The following PCDHGA3 variants were observed in gnomAD, a reference collection of about 807,000 sequenced individuals.
PCDHGA3 encodes the protein protocadherin gamma subfamily A, 3.
Under a neutral mutation model 58.5 loss-of-function variants are expected in PCDHGA3, and 40 were observed. That is an observed-to-expected ratio of 0.68 (90% CI 0.53 to 0.89). The LOEUF (loss-of-function observed/expected upper bound fraction) is 0.89, where lower values mean the gene tolerates loss of function less well. PCDHGA3 is among the 40% of genes least tolerant of loss of function. The pLI is 0.00. For synonymous variants in PCDHGA3, 530 were observed against 525.7 expected, an observed-to-expected ratio of 1.01 and a Z score of -0.11; for missense variants, 1,223 against 1,195.9, an observed-to-expected ratio of 1.02 and a Z score of -0.33.
intron 1 of PCDHGA3, chr5:141,433,063 G>T (rs1411651811): frequency 3.1e-6 from 5 of 1,614,176 alleles, no homozygotes; most frequent in Non-Finnish European, 4.2e-6. Flanking sequence ...AGAGTCACCT[G>T]ATCTTCCCCC....
chr5:141,414,752 ATG>A, intron 1 of PCDHGA3: 2 of 1,614,228 alleles, frequency 1.2e-6, no homozygotes, highest in Non-Finnish European at 1.7e-6. Context: ...TCCTTCGACT[ATG>A]AGCAGTTTCA....
At chr5:141,361,308 G>A (rs1442335405) in intron 1 of PCDHGA3, 3 of 1,613,964 alleles carry the variant, frequency 1.9e-6, no homozygotes, top group East Asian at 2.2e-5. Flanking sequence ...GAAATGCCAA[G>A]TTTATTTTGA....
chr5:141,405,457 TTA>T, intron 1 of PCDHGA3: 1 of 1,256,670 alleles, frequency 8.0e-7, no homozygotes, highest in Non-Finnish European at 1.1e-6. Context: ...TCTTACTCTG[TTA>T]CCCAGGCTGG....
At chr5:141,497,733 T>G (rs2099779006) in intron 2 of PCDHGA3, among the ~76,000 whole-genome samples, 2 of 152,078 alleles carry the variant, frequency 1.3e-5, no homozygotes, top group Non-Finnish European at 2.9e-5. Context: ...AGAGATGGGT[T>G]TCGCCACGTT....
At chr5:141,419,378 G>A in intron 1 of PCDHGA3, 3 of 1,613,710 alleles carry the variant, frequency 1.9e-6, no homozygotes, top group Non-Finnish European at 2.5e-6. Context: ...CTACGTGTCC[G>A]TGAGCGCGCA....
chr5:141,484,988 G>A (rs1187402042), intron 1 of PCDHGA3: 2 of 604,830 alleles, frequency 3.3e-6, no homozygotes, highest in Admixed American at 3.0e-5. Context: ...CAATCGGGTG[G>A]TGAAAGGCAG....
rs1344998245 is a variant in PCDHGA3 at position 141,400,678 on chromosome 5, T to C, written c.2424+54221T>C. 7.9e-6 allele frequency: 7 copies of C among 881,884 alleles called. No homozygotes were observed. The East Asian group carries it at 1.5e-4, about 19-fold the overall frequency. The allele number at this position is 881,884 out of a possible 1,614,324, so 54.6% of individuals were successfully genotyped here. On this transcript the variant is annotated intron_variant, in intron 1 of 3. Coordinates refer to ENST00000253812, the MANE Select transcript of PCDHGA3 (RefSeq NM_018916.4). ...ACCATTCTTTAAGAGGAGCAGTAAA[T>C]TGTGAGTTTTTATGTCGCATAAAAG...
At chr5:141,483,385 G>C (rs1166547027) in intron 1 of PCDHGA3, among the ~76,000 whole-genome samples, 1 of 152,160 alleles carries the variant, frequency 6.6e-6, no homozygotes, top group Non-Finnish European at 1.5e-5. Context: ...AGAGAAGATT[G>C]ATAAATGCTT....
chr5:141,413,194 C>T lies in PCDHGA3; in HGVS notation c.2424+66737C>T, dbSNP rs749749411. ...GACTACAATGGCCGCTCAAAGGAAT[C>T]GCTCAAAGGAATCAAAGGATTGCAG... On this transcript the variant is annotated intron_variant, in intron 1 of 3. Coordinates refer to ENST00000253812, the MANE Select transcript of PCDHGA3 (RefSeq NM_018916.4). 5.3e-5 allele frequency: 85 copies of T among 1,607,784 alleles called. No individual in the cohort carries two copies. Among genetic ancestry groups the T allele is most frequent in the Non-Finnish European group, 7.0e-5 (82 of 1,176,492 alleles).
intron 1 of PCDHGA3, chr5:141,433,132 T>A (rs1168186406): frequency 6.2e-7 from 1 of 1,614,122 alleles, no homozygotes; most frequent in Non-Finnish European, 8.5e-7. Context: ...GCGAGCCCCT[T>A]TTGCTGTCAG....
chr5:141,413,721 C>T (rs779673406), intron 1 of PCDHGA3: 1 of 1,613,592 alleles, frequency 6.2e-7, no homozygotes, highest in South Asian at 1.1e-5. Context: ...ATAAGCACTT[C>T]TCCCTAAGAG....
intron 2 of PCDHGA3, among the ~76,000 whole-genome samples, chr5:141,504,059 T>C (rs1179226175): frequency 6.6e-6 from 1 of 152,184 alleles, no homozygotes; most frequent in Admixed American, 6.6e-5. Flanking sequence ...ATTGAAAAAC[T>C]TCTCTGAGCC....
intron 1 of PCDHGA3, among the ~76,000 whole-genome samples, chr5:141,468,952 G>GT (rs34870721): frequency 0.24 from 35,946 of 151,248 alleles, 4,442 homozygotes; most frequent in Admixed American, 0.32. Flanking sequence ...TAAACCTGTG[G>GT]TTTTTTTTAC....
rs760790964 is a variant in PCDHGA3, at chr5:141,374,159, G to T, written c.2424+27702G>T. The T allele has an allele frequency of 2.7e-5, 44 of 1,612,170 alleles. No homozygotes were observed. Among genetic ancestry groups the T allele is most frequent in the Non-Finnish European group, 3.4e-5 (40 of 1,179,004 alleles). ...CACGCTCCTGGGGACGCTGTGGGGG[G>T]CCGCGGCAGCGCAGATCCGCTACTC... On this transcript the variant is annotated intron_variant, in intron 1 of 3. Transcript: ENST00000253812.
chr5:141,429,765 T>C (rs897963458), intron 1 of PCDHGA3, among the ~76,000 whole-genome samples: 1 of 152,230 alleles, frequency 6.6e-6, no homozygotes, highest in East Asian at 1.9e-4. Flanking sequence ...TTTCCCTATA[T>C]TTTGATGGGC....
intron 1 of PCDHGA3, among the ~76,000 whole-genome samples, chr5:141,433,837 C>CAAAAAAAA (rs56191208): frequency 1.9e-4 from 21 of 111,692 alleles, no homozygotes; most frequent in Admixed American, 5.9e-4. Context: ...AACTCTATCT[C>CAAAAAAAA]AAAAAAAAAA....
At chr5:141,348,417 C>A (rs903044616) in intron 1 of PCDHGA3, among the ~76,000 whole-genome samples, 42 of 151,868 alleles carry the variant, frequency 2.8e-4, no homozygotes, top group African/African-American at 9.4e-4. Flanking sequence ...GAAAAAGGCA[C>A]GTAACTTTTA....
chr5:141,424,116 T>G, intron 1 of PCDHGA3: 1 of 667,648 alleles, frequency 1.5e-6, no homozygotes, highest in Non-Finnish European at 1.9e-6. Context: ...GTTCAAATTT[T>G]GATCCTGTTG....
In PCDHGA3 at chr5:141,511,284, G is replaced by A; in HGVS notation, c.*111G>A. Reference sequence around the variant, plus strand: ...AGGGCTAACCCCCAGAATACTGGTAGGGGCCAAGGCCATGCTCCCCTTGGG... The same window carrying A: ...AGGGCTAACCCCCAGAATACTGGTAAGGGCCAAGGCCATGCTCCCCTTGGG... On this transcript the variant is annotated 3_prime_UTR_variant, in exon 4 of 4. Coordinates refer to ENST00000253812, the MANE Select transcript of PCDHGA3 (RefSeq NM_018916.4). 6.5e-7 allele frequency: 1 copy of A among 1,528,376 alleles called. No individual in the cohort carries two copies. The highest frequency in any genetic ancestry group is 1.4e-5 in the African/African-American group (1 of 72,796). The allele number at this position is 1,528,376 out of a possible 1,614,324, so 94.7% of individuals were successfully genotyped here.
Sources: allele counts gnomAD v4.1 joint callset (sites outside exome capture counted in the v4.1 genomes callset), GRCh38; gene constraint gnomAD v4.1.1; transcripts MANE v1.5; gene names NCBI Gene and HGNC (gene_info 2026-07-23, HGNC 2026-07-21).